Variants in OTOGL observed in about 807,000 individuals in gnomAD.
OTOGL encodes otogelin like.
Under a neutral mutation model 318.5 loss-of-function variants are expected in OTOGL, and 285 were observed. The observed-to-expected ratio is 0.89, with a 90% CI of 0.81 to 0.99. The LOEUF is 0.99. OTOGL is among the 50% of genes least tolerant of loss of function. The pLI is 0.00. For synonymous variants in OTOGL, 987 were observed against 936.5 expected, an observed-to-expected ratio of 1.05 and a Z score of -0.99; for missense variants, 2,899 against 2,845.6, an observed-to-expected ratio of 1.02 and a Z score of -0.43.
At chr12:80,345,165 GAT>G (rs1215713776) in intron 44 of OTOGL, among the ~76,000 whole-genome samples, 59 of 123,326 alleles carry the variant, frequency 4.8e-4, no homozygotes, top group African/African-American at 1.6e-3. Flanking sequence ...TATATATTAT[GAT>G]ATATAATATA....
chr12:80,148,613 TG>T (rs1177784737), intron 1 of OTOGL, among the ~76,000 whole-genome samples: 1 of 152,060 alleles, frequency 6.6e-6, no homozygotes, highest in East Asian at 1.9e-4. Flanking sequence ...CTTGCTAGAT[TG>T]GGGAAATTCT....
chr12:80,229,196 T>A (rs1038380928), intron 7 of OTOGL, 61 bp from the exon 8 acceptor site: 1 of 1,531,532 alleles, frequency 6.5e-7, no homozygotes, highest in African/African-American at 1.4e-5. Context: ...TACATTGTGG[T>A]TTTAATAACT....
At chr12:80,195,144 T>G (rs1875967871) in intron 1 of OTOGL, among the ~76,000 whole-genome samples, 1 of 152,240 alleles carries the variant, frequency 6.6e-6, no homozygotes, top group South Asian at 2.1e-4. Flanking sequence ...ATCTTTGGAA[T>G]GATTCAACAT....
At chr12:80,251,989 A>G in intron 12 of OTOGL, 87 bp from the exon 13 acceptor site, 1 of 1,370,298 alleles carries the variant, frequency 7.3e-7, no homozygotes, top group Non-Finnish European at 9.6e-7. Flanking sequence ...TTTGCAAATT[A>G]TTTTTTGTAA....
At chr12:80,339,312 T>TTG (rs1888620010) in intron 43 of OTOGL, 48 bp downstream of exon 43, 6 of 1,427,516 alleles carry the variant, frequency 4.2e-6, no homozygotes, top group Non-Finnish European at 4.7e-6. Context: ...TTTTTTTTTT[T>TTG]TTTTTTTTTT....
At chr12:80,250,185 G>C (rs548873087) in intron 11 of OTOGL, among the ~76,000 whole-genome samples, 6 of 151,958 alleles carry the variant, frequency 3.9e-5, no homozygotes, top group Non-Finnish European at 7.4e-5. Flanking sequence ...ATCTTGGCTC[G>C]AGAGTCTGAA....
At chr12:80,106,758 C>G (rs888546126) in intron 1 of OTOGL, among the ~76,000 whole-genome samples, 67 of 152,104 alleles carry the variant, frequency 4.4e-4, no homozygotes, top group African/African-American at 1.5e-3. Flanking sequence ...GTATAGAAAG[C>G]AATGCAACAG....
At chr12:80,104,966 C>T (rs1869370511) in intron 1 of OTOGL, among the ~76,000 whole-genome samples, 1 of 151,982 alleles carries the variant, frequency 6.6e-6, no homozygotes, top group Non-Finnish European at 1.5e-5. Context: ...CGTGGTGGTG[C>T]ATGCCTGTAA....
At chr12:80,114,161 T>C (rs1351263266) in intron 1 of OTOGL, among the ~76,000 whole-genome samples, 1 of 152,196 alleles carries the variant, frequency 6.6e-6, no homozygotes, top group East Asian at 1.9e-4. Flanking sequence ...GATTATGATG[T>C]TAGCTGGTTA....
intron 14 of OTOGL, among the ~76,000 whole-genome samples, chr12:80,254,321 A>G (rs1211711400): frequency 1.3e-5 from 2 of 152,008 alleles, no homozygotes; most frequent in Non-Finnish European, 2.9e-5. Context: ...TTACCAGTCA[A>G]TTGAACTTAT....
chr12:80,257,939 C>T lies in OTOGL; in HGVS notation c.1826C>T (p.Ala609Val), dbSNP rs1247958433. 6 of 1,597,706 alleles carry T rather than the reference C, an allele frequency of 3.8e-6. No homozygotes were observed. Among genetic ancestry groups the T allele is most frequent in the Non-Finnish European group, 5.1e-6 (6 of 1,179,108 alleles). The part of the protein sequence containing the change: ...GERIYIQLTS[A>V]WKRRTLGLCG... ...AGAATTTATATTCAGCTTACTAGCGCATGGAAAAGAAGAACATTAGGTCTG... is the reference window on the plus strand; with the variant it reads ...AGAATTTATATTCAGCTTACTAGCGTATGGAAAAGAAGAACATTAGGTCTG... The change falls in exon 18 of 59, where the codon GCA (alanine) becomes GTA (valine). Residue 609 changes from alanine to valine, a missense_variant. Ala to Val is a moderately conservative substitution (Grantham distance 64). Transcript: ENST00000547103.
chr12:80,368,389 C>CCT (rs559707538), intron 55 of OTOGL, 80 bp downstream of exon 55: 45 of 882,086 alleles, frequency 5.1e-5, no homozygotes, highest in Non-Finnish European at 6.6e-5. Flanking sequence ...AATGTCCCCC[C>CCT]CCACACACAC....
intron 42 of OTOGL, among the ~76,000 whole-genome samples, chr12:80,337,221 T>G (rs187269464): frequency 9.2e-5 from 14 of 152,058 alleles, no homozygotes; most frequent in African/African-American, 3.4e-4. Context: ...TGAGGTTAAC[T>G]GCAGGGACCA....
At chr12:80,354,631 A>G (rs907234807) in intron 46 of OTOGL, among the ~76,000 whole-genome samples, 4 of 152,184 alleles carry the variant, frequency 2.6e-5, no homozygotes, top group African/African-American at 4.8e-5. Flanking sequence ...GAAAAAGGCA[A>G]GGAGAAGTGA....
chr12:80,255,220 A>T, intron 16 of OTOGL, 35 bp downstream of exon 16: 1 of 1,362,094 alleles, frequency 7.3e-7, no homozygotes, highest in East Asian at 2.7e-5. Flanking sequence ...AGGAATATGG[A>T]TTCACTGATT....
At chr12:80,158,796 C>G (rs1873301850) in intron 1 of OTOGL, among the ~76,000 whole-genome samples, 2 of 152,028 alleles carry the variant, frequency 1.3e-5, no homozygotes, top group Non-Finnish European at 2.9e-5. Flanking sequence ...AGTTTGACTT[C>G]CTCTTTACTG....
At position 80,339,068 on chromosome 12, in the gene OTOGL, A is replaced by G. The variant is rs1221820324; in HGVS notation, c.4861-7A>G. ...ATTTCTTAACAGGTGTATTTATGTT[A>G]TTCTAGGTAGAAGTGGATTCCATTG... On this transcript the variant is annotated splice_polypyrimidine_tract_variant and splice_region_variant and intron_variant, in intron 42 of 58. Transcript: ENST00000547103. The G allele has an allele frequency of 3.1e-6, 5 of 1,587,522 alleles. 1 individual carries two copies. In the South Asian group the frequency reaches 5.6e-5, roughly 18 times the overall value.
chr12:80,337,713 G>A (rs1198142840), intron 42 of OTOGL, among the ~76,000 whole-genome samples: 2 of 151,858 alleles, frequency 1.3e-5, no homozygotes, highest in East Asian at 3.9e-4. Context: ...TTCTTAAAAT[G>A]GCTGAAGTAC....
At chr12:80,177,205 C>G (rs1874586485) in intron 1 of OTOGL, among the ~76,000 whole-genome samples, 1 of 151,906 alleles carries the variant, frequency 6.6e-6, no homozygotes, top group Non-Finnish European at 1.5e-5. Flanking sequence ...TTTGCAAAAA[C>G]CAAGGGAATG....
Sources: gnomAD v4.1 joint callset for allele counts (sites outside exome capture counted in the v4.1 genomes callset) on GRCh38, gnomAD v4.1.1 for gene constraint, MANE v1.5 for transcripts, NCBI Gene and HGNC (gene_info 2026-07-23, HGNC 2026-07-21) for gene names.